RGSL1: variants seen among roughly 807,000 people sequenced by gnomAD.
RGSL1 encodes the protein regulator of G protein signaling like 1.
RGSL1 carries 97 observed loss-of-function variants against 124.7 expected under a neutral mutation model. The ratio of observed to expected loss-of-function variants is 0.78; its 90% CI spans 0.66 to 0.92. RGSL1 has a LOEUF of 0.92. RGSL1 is among the 40% of genes least tolerant of loss of function. The pLI, the probability that RGSL1 is intolerant of heterozygous loss-of-function variation, is 0.00. For missense variants in RGSL1, 1,233 were observed against 1,288.4 expected (o/e 0.96, Z 0.66); for synonymous variants, 424 against 438.1 (o/e 0.97, Z 0.40).
At chr1:182,514,467 G>A (rs1227151487) in intron 9 of RGSL1, among the ~76,000 whole-genome samples, 1 of 152,150 alleles carries the variant, frequency 6.6e-6, no homozygotes, top group Non-Finnish European at 1.5e-5. Context: ...CTGCTTCTCA[G>A]TGTTCCTCAG....
chr1:182,532,446 C>T (rs1659242599), intron 13 of RGSL1, among the ~76,000 whole-genome samples: 1 of 152,172 alleles, frequency 6.6e-6, no homozygotes, highest in African/African-American at 2.4e-5. Context: ...TCTGTTGAAG[C>T]TGGAATCTTT....
At chr1:182,537,341 C>A (rs1008705823) in intron 14 of RGSL1, among the ~76,000 whole-genome samples, 2 of 152,080 alleles carry the variant, frequency 1.3e-5, no homozygotes, top group Non-Finnish European at 2.9e-5. Flanking sequence ...AAATAAATTT[C>A]GTGTTTAGAT....
At chr1:182,497,321 A>T (rs1655999339) in intron 9 of RGSL1, among the ~76,000 whole-genome samples, 1 of 145,894 alleles carries the variant, frequency 6.9e-6, no homozygotes, top group Non-Finnish European at 1.5e-5. Context: ...CAGGAGATAT[A>T]TATATTATAT....
intron 9 of RGSL1, among the ~76,000 whole-genome samples, chr1:182,509,452 C>T (rs1657151626): frequency 2.4e-5 from 1 of 42,370 alleles, no homozygotes; most frequent in Non-Finnish European, 5.4e-5. Flanking sequence ...CTGACCCCCC[C>T]ACCTCCCTCC....
chr1:182,522,191 C>T (rs1658397628), intron 10 of RGSL1, 82 bp downstream of exon 10: 1 of 949,740 alleles, frequency 1.1e-6, no homozygotes, highest in South Asian at 1.5e-5. Flanking sequence ...GTAAACTTAT[C>T]TTTCTATGTG....
chr1:182,501,443 C>T (rs746645640), intron 9 of RGSL1, among the ~76,000 whole-genome samples: 137 of 148,858 alleles, frequency 9.2e-4, no homozygotes, highest in Non-Finnish European at 1.1e-3. Flanking sequence ...CTCAGCCTCC[C>T]GAATAGCTGG....
At chr1:182,456,425 T>C (rs1015799873) in intron 2 of RGSL1, among the ~76,000 whole-genome samples, 3 of 152,182 alleles carry the variant, frequency 2.0e-5, no homozygotes, top group African/African-American at 7.2e-5. Flanking sequence ...GCCTCCCAAG[T>C]AGCTGGGACT....
intron 3 of RGSL1, among the ~76,000 whole-genome samples, chr1:182,458,762 C>T (rs779800720): frequency 1.3e-5 from 2 of 152,048 alleles, no homozygotes; most frequent in African/African-American, 4.8e-5. Context: ...CCTGAGCCAC[C>T]GTGCCTGGCC....
intron 15 of RGSL1, among the ~76,000 whole-genome samples, chr1:182,546,827 A>G (rs549466559): frequency 1.3e-5 from 2 of 152,364 alleles, no homozygotes; most frequent in East Asian, 3.9e-4. Flanking sequence ...TAGCAATTAT[A>G]GTTACTAATT....
chr1:182,485,070 C>T (rs1051706350), intron 6 of RGSL1, among the ~76,000 whole-genome samples: 2 of 152,142 alleles, frequency 1.3e-5, no homozygotes, highest in Non-Finnish European at 2.9e-5. Context: ...GGCCATTAGG[C>T]AGCTCCCTCA....
chr1:182,460,063 T>A lies in RGSL1; in HGVS notation c.231T>A (p.Cys77Ter). The A allele has an allele frequency of 6.4e-7, 1 of 1,551,756 alleles. No homozygotes were observed. The highest frequency in any genetic ancestry group is 2.4e-5 in the East Asian group (1 of 40,920). The change falls in exon 4 of 22, where the codon TGT becomes TGA. Residue 77 changes from cysteine (C) to a stop codon, truncating the protein, a stop_gained. Coordinates refer to ENST00000294854, the MANE Select transcript of RGSL1 (RefSeq NM_001137669.2). LOFTEE classifies it high-confidence loss of function. ...AAAAATGCCGATTACCTTTCTTCTG[T>A]AAAACAAACTTGTGTTTCCATTACA... Reference protein sequence around the residue: ...WLEKCRLPFFCKTNLCFHYIL... With the variant: ...WLEKCRLPFF
At chr1:182,495,512 C>A (rs917206498) in intron 9 of RGSL1, among the ~76,000 whole-genome samples, 4 of 152,214 alleles carry the variant, frequency 2.6e-5, no homozygotes, top group Non-Finnish European at 5.9e-5. Context: ...GGCTTACCAG[C>A]CAAACCATTC....
intron 2 of RGSL1, among the ~76,000 whole-genome samples, chr1:182,456,613 G>A (rs1049762340): frequency 9.2e-5 from 14 of 152,072 alleles, no homozygotes; most frequent in African/African-American, 1.9e-4. Flanking sequence ...GTAATCTTAA[G>A]ACCCGTTAAT....
At chr1:182,461,985 T>G (rs1652875510) in intron 4 of RGSL1, among the ~76,000 whole-genome samples, 1 of 152,066 alleles carries the variant, frequency 6.6e-6, no homozygotes, top group Non-Finnish European at 1.5e-5. Context: ...TCAAACTTGA[T>G]GGAAGACATG....
intron 9 of RGSL1, among the ~76,000 whole-genome samples, chr1:182,495,658 T>C (rs1655858330): frequency 6.6e-6 from 1 of 152,228 alleles, no homozygotes. Context: ...TCTTTCAGGA[T>C]CACCACTGAT....
intron 9 of RGSL1, among the ~76,000 whole-genome samples, chr1:182,499,485 A>G (rs1656189175): frequency 6.6e-6 from 1 of 152,166 alleles, no homozygotes. Context: ...TTGAAATTAG[A>G]ATAGCAACCT....
intron 8 of RGSL1, among the ~76,000 whole-genome samples, chr1:182,491,902 G>A (rs886367460): frequency 1.3e-5 from 2 of 152,106 alleles, no homozygotes; most frequent in African/African-American, 4.8e-5. Context: ...CTGTTAACCA[G>A]ATCATTGTTA....
At chr1:182,497,259 CTGTG>C (rs1470245129) in intron 9 of RGSL1, among the ~76,000 whole-genome samples, 3 of 148,364 alleles carry the variant, frequency 2.0e-5, no homozygotes, top group Non-Finnish European at 4.5e-5. Context: ...AGATAATAGA[CTGTG>C]TGTATGTGTG....
chr1:182,552,745 A>G (rs1660644728), intron 18 of RGSL1, among the ~76,000 whole-genome samples: 1 of 152,212 alleles, frequency 6.6e-6, no homozygotes, highest in Admixed American at 6.5e-5. Context: ...ACATCTGGCA[A>G]AGGGCTTTAC....
Sources: gnomAD v4.1 joint callset for allele counts (sites outside exome capture counted in the v4.1 genomes callset) on GRCh38, gnomAD v4.1.1 for gene constraint, MANE v1.5 for transcripts, NCBI Gene and HGNC (gene_info 2026-07-23, HGNC 2026-07-21) for gene names.